Variants in NALF2 observed in about 807,000 individuals in gnomAD.
NALF2 encodes the protein NALCN channel auxiliary factor 2, also known as bB57D9.1 (TED protein).
In NALF2, 1 loss-of-function variant was observed where a neutral mutation model predicts 24.8. That is an observed-to-expected ratio of 0.04 (90% CI 0.01 to 0.19). NALF2 has a LOEUF of 0.19. Among genes scored for constraint, NALF2 ranks in the 10% least tolerant of loss-of-function variants. NALF2 has a pLI of 1.00. For missense variants in NALF2, 458 were observed against 409.6 expected (o/e 1.12, Z -1.02); for synonymous variants, 254 against 189.8 (o/e 1.34, Z -2.78).
intron 1 of NALF2, among the ~76,000 whole-genome samples, chrX:69,528,306 A>G (rs1930837452): frequency 8.9e-6 from 1 of 112,175 alleles, no homozygotes; most frequent in South Asian, 3.7e-4. Context: ...GAAACGTAGC[A>G]GTGTGTTTGA....
chrX:69,530,076 G>T lies in NALF2; in HGVS notation c.*120G>T. The T allele has an allele frequency of 1.9e-6, 1 of 525,914 alleles. No individual in the cohort carries two copies. 43.3% of individuals were successfully genotyped at this position (525,914 alleles called of 1,213,427 possible). On this transcript the variant is annotated 3_prime_UTR_variant, in exon 3 of 3. Coordinates refer to ENST00000252338, the MANE Select transcript of NALF2 (RefSeq NM_015686.3). ...ATAAGGTGGGGGCGGGGGAAATGGGGGAATGACACATCCCCCCCAACCTAC... is the reference window on the plus strand; with the variant it reads ...ATAAGGTGGGGGCGGGGGAAATGGGTGAATGACACATCCCCCCCAACCTAC...
chrX:69,532,279 C>T lies in NALF2; in HGVS notation c.*2323C>T, dbSNP rs779499762. On this transcript the variant is annotated 3_prime_UTR_variant, in exon 3 of 3. Coordinates refer to ENST00000252338, the MANE Select transcript of NALF2 (RefSeq NM_015686.3). ...GTGCTTCATGAGTAGGACTTTCTTG[C>T]ACTAGTTCCTATGACTGAGTCTCCA... 1.8e-5 allele frequency: 2 copies of T among 112,531 alleles called. No homozygotes were observed. The highest frequency in any genetic ancestry group is 3.8e-5 in the Non-Finnish European group (2 of 53,201). 9.3% of individuals were successfully genotyped at this position (112,531 alleles called of 1,213,427 possible).
rs181112877 is a variant in NALF2 at position 69,523,130 on chromosome X, G to A, written c.862-5863G>A. Among the ~76,000 whole-genome samples the A allele has an allele frequency of 6.2e-5, 7 of 112,514 alleles. No individual in the cohort carries two copies. In the East Asian group the frequency reaches 2.0e-3, roughly 32 times the overall value. On this transcript the variant is annotated intron_variant, in intron 1 of 2. Transcript: ENST00000252338. ...GAAGACAAGCAGCCCTGGAGAGAAGGCCTATAGGGAGGATTTGGATGGGGA... is the reference window on the plus strand; with the variant it reads ...GAAGACAAGCAGCCCTGGAGAGAAGACCTATAGGGAGGATTTGGATGGGGA...
rs769557262 is a variant in NALF2, at chrX:69,529,742, A to G, written c.1205A>G (p.His402Arg). Residue 402 changes from histidine (H) to arginine (R), a missense_variant, in exon 3 of 3, where the codon CAC (histidine) becomes CGC (arginine). Transcript: ENST00000252338. ...HHYHQQYHHY[H>R]PHHDPPGRVS... The stretch of plus-strand genomic sequence containing the variant: ...TACCACCAACAGTACCATCACTACC[A>G]CCCCCATCATGATCCCCCAGGCCGT... The G allele has an allele frequency of 1.3e-5, 16 of 1,207,601 alleles. No homozygotes were observed. The highest frequency in any genetic ancestry group is 1.8e-5 in the Non-Finnish European group (16 of 893,888).
At chrX:69,523,546 G>A (rs1930761598) in intron 1 of NALF2, among the ~76,000 whole-genome samples, 1 of 111,663 alleles carries the variant, frequency 9.0e-6, no homozygotes, top group African/African-American at 3.3e-5. Context: ...CTTCCTTTTT[G>A]GGTTAATTGG....
At chrX:69,506,212 GA>G in intron 1 of NALF2, 69 bp downstream of exon 1, 1 of 1,095,555 alleles carries the variant, frequency 9.1e-7, no homozygotes, top group South Asian at 2.0e-5. Context: ...GGGACCGGGA[GA>G]AAAAAGGAAG....
chrX:69,528,337 G>A (rs777159635), intron 1 of NALF2, among the ~76,000 whole-genome samples: 4 of 111,953 alleles, frequency 3.6e-5, no homozygotes, highest in Admixed American at 1.9e-4. Flanking sequence ...ATGCCAGAGC[G>A]GAAGCCAATA....
chrX:69,522,107 G>C (rs1930743393), intron 1 of NALF2, among the ~76,000 whole-genome samples: 1 of 111,968 alleles, frequency 8.9e-6, no homozygotes, highest in Admixed American at 9.5e-5. Context: ...AACTGCTAGA[G>C]TTATCTGAAG....
intron 1 of NALF2, among the ~76,000 whole-genome samples, chrX:69,511,331 C>G (rs1036256683): frequency 9.0e-6 from 1 of 111,128 alleles, no homozygotes; most frequent in Non-Finnish European, 1.9e-5. Flanking sequence ...TCACTCACAC[C>G]CCACTCACAC....
chrX:69,518,109 C>T (rs1214179862), intron 1 of NALF2, among the ~76,000 whole-genome samples: 3 of 111,897 alleles, frequency 2.7e-5, no homozygotes, highest in Admixed American at 1.9e-4. Flanking sequence ...AAGCTCCCCT[C>T]GTCTCATCTT....
intron 1 of NALF2, among the ~76,000 whole-genome samples, chrX:69,527,399 T>C (rs932960108): frequency 2.7e-5 from 3 of 111,916 alleles, no homozygotes; most frequent in African/African-American, 9.8e-5. Context: ...CAGTGTGGGA[T>C]TGCATTGCCA....
At chrX:69,528,813 C>G (rs747647663) in intron 1 of NALF2, among the ~76,000 whole-genome samples, 180 bp from the exon 2 acceptor site, 9 of 111,994 alleles carry the variant, frequency 8.0e-5, no homozygotes, top group African/African-American at 2.6e-4. Flanking sequence ...GCTATGAAAT[C>G]GGAGATCTTA....
intron 1 of NALF2, among the ~76,000 whole-genome samples, chrX:69,517,673 A>G (rs1204953769): frequency 1.8e-5 from 2 of 111,989 alleles, no homozygotes; most frequent in Non-Finnish European, 3.8e-5. Flanking sequence ...GTAGGGGATG[A>G]GGAGCCAGAA....
intron 1 of NALF2, among the ~76,000 whole-genome samples, chrX:69,514,158 C>T (rs186625337): frequency 1.2e-4 from 13 of 106,577 alleles, no homozygotes; most frequent in African/African-American, 4.5e-4. Context: ...TCACTGCACT[C>T]CAGCCTGGGT....
At chrX:69,525,764 C>G (rs1323119853) in intron 1 of NALF2, among the ~76,000 whole-genome samples, 2 of 108,709 alleles carry the variant, frequency 1.8e-5, no homozygotes, top group African/African-American at 6.7e-5. Context: ...AATTCCCTGG[C>G]TCTTTCTCCC....
At position 69,530,015 on chromosome X, in the gene NALF2, T is replaced by TG. The variant is rs1555967006; in HGVS notation, c.*66dup. On this transcript the variant is annotated 3_prime_UTR_variant, in exon 3 of 3. Coordinates refer to ENST00000252338, the MANE Select transcript of NALF2 (RefSeq NM_015686.3). ...GACATCAGCTCCAGCTCCCCCAGGT[T>TG]GGGGGGGAGGGGGCTCCTCCCATGG... 21 of 839,057 alleles carry TG rather than the reference T, an allele frequency of 2.5e-5. No individual in the cohort carries two copies. Among genetic ancestry groups the TG allele is most frequent in the Admixed American group, 1.1e-4 (3 of 28,146 alleles). The allele number at this position is 839,057 out of a possible 1,213,427, so 69.1% of individuals were successfully genotyped here.
intron 1 of NALF2, among the ~76,000 whole-genome samples, chrX:69,507,299 G>A (rs1244830674): frequency 1.8e-5 from 2 of 111,539 alleles, no homozygotes; most frequent in Non-Finnish European, 3.8e-5. Context: ...GGGCTTCCAT[G>A]CTTTTAGCGG....
rs757957559 is a variant in NALF2 at position 69,529,682 on chromosome X, A to C, written c.1145A>C (p.His382Pro). The C allele has an allele frequency of 1.5e-4, 177 of 1,206,967 alleles. No homozygotes were observed. The highest frequency in any genetic ancestry group is 1.9e-4 in the Non-Finnish European group (172 of 893,618). Residue 382 changes from histidine (H) to proline (P), a missense_variant, in exon 3 of 3, where the codon CAC (histidine) becomes CCC (proline). His to Pro is a moderately conservative substitution (Grantham distance 77, BLOSUM62 -2). Coordinates refer to ENST00000252338, the MANE Select transcript of NALF2 (RefSeq NM_015686.3). ...KFKESEAPKT[H>P]QQQFHHSYFH... Reference sequence around the variant, plus strand: ...AAGGAGTCTGAGGCCCCCAAAACCCACCAGCAGCAATTCCACCACTCCTAT... The same window carrying C: ...AAGGAGTCTGAGGCCCCCAAAACCCCCCAGCAGCAATTCCACCACTCCTAT...
chrX:69,526,043 T>G (rs1383605429), intron 1 of NALF2, among the ~76,000 whole-genome samples: 1 of 112,032 alleles, frequency 8.9e-6, no homozygotes, highest in Non-Finnish European at 1.9e-5. Context: ...TAAATAAAAT[T>G]TAACACAAGT....
Sources: allele counts gnomAD v4.1 joint callset (sites outside exome capture counted in the v4.1 genomes callset), GRCh38; gene constraint gnomAD v4.1.1; transcripts MANE v1.5; gene names NCBI Gene and HGNC (gene_info 2026-07-23, HGNC 2026-07-21).